PTPRD: variants seen among roughly 807,000 people sequenced by gnomAD.
The protein encoded by PTPRD is receptor-type tyrosine-protein phosphatase delta.
Under a neutral mutation model 214.5 loss-of-function variants are expected in PTPRD, and 34 were observed. That is an observed-to-expected ratio of 0.16 (90% CI 0.12 to 0.21). The LOEUF (loss-of-function observed/expected upper bound fraction) is 0.21. PTPRD is among the 10% of genes least tolerant of loss of function. The pLI is 1.00. For missense variants in PTPRD, 2,545 were observed against 2,398.7 expected (o/e 1.06, Z -1.27); for synonymous variants, 1,128 against 845.7 (o/e 1.33, Z -5.79).
intron 2 of PTPRD, among the ~76,000 whole-genome samples, chr9:10,446,834 G>A (rs1223311573): frequency 1.3e-5 from 2 of 152,054 alleles, no homozygotes; most frequent in East Asian, 3.9e-4. Context: ...GAAAAGAAAT[G>A]CAAAAAGGTT....
At chr9:9,789,394 A>T (rs1433793179) in intron 5 of PTPRD, among the ~76,000 whole-genome samples, 1 of 152,232 alleles carries the variant, frequency 6.6e-6, no homozygotes, top group African/African-American at 2.4e-5. Context: ...ATAAACTCAA[A>T]CAATAAATTA....
At chr9:9,959,986 G>C (rs1417851671) in intron 4 of PTPRD, among the ~76,000 whole-genome samples, 1 of 152,078 alleles carries the variant, frequency 6.6e-6, no homozygotes. Context: ...TCTGCCTAGA[G>C]GGCCTAGAAG....
chr9:9,291,084 C>G (rs1336027297), intron 9 of PTPRD, among the ~76,000 whole-genome samples: 2 of 151,362 alleles, frequency 1.3e-5, no homozygotes, highest in Non-Finnish European at 3.0e-5. Context: ...GTATCAATTT[C>G]CTAAGAAACT....
intron 2 of PTPRD, among the ~76,000 whole-genome samples, chr9:10,567,376 T>C (rs2065946983): frequency 7.2e-6 from 1 of 139,800 alleles, no homozygotes; most frequent in Non-Finnish European, 1.7e-5. Flanking sequence ...ATACTATAGC[T>C]TTTCTGCAAA....
Position 8,980,729 on chromosome 9 carries a change from C to T in PTPRD, c.-104+37968G>A, listed in dbSNP as rs192513719. ...TCATAAATATATGTAGCCCCAAATC[C>T]CTACCTTGAATGATAGAGGCTAAAC... On this transcript the variant is annotated intron_variant, in intron 11 of 45. Transcript: ENST00000381196. Among the ~76,000 whole-genome samples, 287 of 152,120 alleles carry T rather than the reference C, an allele frequency of 1.9e-3. 1 individual carries two copies. The highest frequency in any genetic ancestry group is 6.5e-3 in the African/African-American group (268 of 41,532).
chr9:9,649,567 A>G (rs540039564), intron 7 of PTPRD, among the ~76,000 whole-genome samples: 1 of 152,346 alleles, frequency 6.6e-6, no homozygotes, highest in East Asian at 1.9e-4. Context: ...CAAAATGTAT[A>G]TCTACCCTAC....
At chr9:9,780,035 C>T (rs2098830767) in intron 5 of PTPRD, among the ~76,000 whole-genome samples, 1 of 152,060 alleles carries the variant, frequency 6.6e-6, no homozygotes, top group South Asian at 2.1e-4. Flanking sequence ...GATTGGATTT[C>T]TTTTTTTAAA....
chr9:9,361,512 T>G (rs1317499418), intron 9 of PTPRD, among the ~76,000 whole-genome samples: 1 of 151,070 alleles, frequency 6.6e-6, no homozygotes, highest in Admixed American at 6.6e-5. Context: ...CAGATTCAAT[T>G]CTACTGTTGA....
intron 3 of PTPRD, among the ~76,000 whole-genome samples, chr9:10,263,078 G>C (rs934015922): frequency 1.3e-5 from 2 of 152,048 alleles, no homozygotes; most frequent in African/African-American, 2.4e-5. Flanking sequence ...CCATTATTGT[G>C]AGGCCTCCCC....
intron 31 of PTPRD, among the ~76,000 whole-genome samples, chr9:8,466,985 C>T (rs866269465): frequency 2.7e-4 from 41 of 151,708 alleles, no homozygotes; most frequent in African/African-American, 8.5e-4. Flanking sequence ...GGAATTTGAT[C>T]GTACGTTACA....
At chr9:9,792,335 T>C (rs2098973909) in intron 5 of PTPRD, among the ~76,000 whole-genome samples, 1 of 152,162 alleles carries the variant, frequency 6.6e-6, no homozygotes, top group Non-Finnish European at 1.5e-5. Flanking sequence ...GCACCTATAG[T>C]GCAGGCCAAG....
intron 5 of PTPRD, among the ~76,000 whole-genome samples, chr9:9,902,882 C>T (rs1235299977): frequency 6.6e-6 from 1 of 152,102 alleles, no homozygotes; most frequent in Non-Finnish European, 1.5e-5. Context: ...CACACAGCAA[C>T]ATTTTCTACA....
intron 2 of PTPRD, among the ~76,000 whole-genome samples, chr9:10,403,662 G>A (rs2098312841): frequency 6.6e-6 from 1 of 151,488 alleles, no homozygotes. Context: ...AAATATTACT[G>A]AGTACTAAAA....
chr9:9,292,494 T>A (rs1337408116), intron 9 of PTPRD, among the ~76,000 whole-genome samples: 5 of 151,414 alleles, frequency 3.3e-5, no homozygotes, highest in African/African-American at 1.2e-4. Flanking sequence ...AACAGAAAAA[T>A]TATGAAGATA....
intron 7 of PTPRD, among the ~76,000 whole-genome samples, chr9:9,603,238 T>C (rs2093910169): frequency 6.6e-6 from 1 of 152,116 alleles, no homozygotes. Flanking sequence ...ATGTTGTCCA[T>C]ACTAGACAGG....
At chr9:9,407,540 C>T (rs2073944288) in intron 8 of PTPRD, among the ~76,000 whole-genome samples, 1 of 151,652 alleles carries the variant, frequency 6.6e-6, no homozygotes, top group South Asian at 2.1e-4. Flanking sequence ...TTGTCCTATC[C>T]TAAATTTTCC....
At chr9:9,235,446 T>A (rs2099965993) in intron 9 of PTPRD, among the ~76,000 whole-genome samples, 1 of 152,192 alleles carries the variant, frequency 6.6e-6, no homozygotes, top group Non-Finnish European at 1.5e-5. Flanking sequence ...CTTCATGGAA[T>A]GTAAGCATAA....
intron 5 of PTPRD, among the ~76,000 whole-genome samples, chr9:9,892,306 G>A (rs751992118): frequency 7.2e-5 from 11 of 152,072 alleles, no homozygotes; most frequent in Non-Finnish European, 1.2e-4. Context: ...CAAAAAGGAG[G>A]TGAAGGAACA....
intron 10 of PTPRD, among the ~76,000 whole-genome samples, chr9:9,178,855 CCATA>C (rs373922679): frequency 1.1e-3 from 161 of 152,162 alleles, no homozygotes; most frequent in African/African-American, 3.7e-3. Flanking sequence ...CTTCTTCTGG[CCATA>C]CAGTCTACAT....
Sources: gnomAD v4.1 joint callset for allele counts (sites outside exome capture counted in the v4.1 genomes callset) on GRCh38, gnomAD v4.1.1 for gene constraint, MANE v1.5 for transcripts, NCBI Gene and HGNC (gene_info 2026-07-23, HGNC 2026-07-21) for gene names.